TMEM74: variants seen among roughly 807,000 people sequenced by gnomAD.
TMEM74 encodes transmembrane protein 74.
TMEM74 carries 13 observed loss-of-function variants against 18.1 expected under a neutral mutation model. The ratio of observed to expected loss-of-function variants is 0.72; its 90% confidence interval spans 0.47 to 1.14. The LOEUF is 1.14. Among genes scored for constraint, TMEM74 ranks in the 50% most tolerant of loss-of-function variants. The pLI is 0.00. For synonymous variants in TMEM74, 159 were observed against 146.6 expected (o/e 1.08, Z -0.61); for missense variants, 372 against 375.9 (o/e 0.99, Z 0.09).
intron 1 of TMEM74, among the ~76,000 whole-genome samples, chr8:108,710,032 C>G (rs1216859138): frequency 6.6e-6 from 1 of 152,120 alleles, no homozygotes; most frequent in Non-Finnish European, 1.5e-5. Context: ...CATAATTGCT[C>G]TGGGTCTCAG....
chr8:108,721,426 C>A (rs763055691), intron 1 of TMEM74, among the ~76,000 whole-genome samples: 1 of 152,188 alleles, frequency 6.6e-6, no homozygotes, highest in Non-Finnish European at 1.5e-5. Context: ...TCTTTCTGAC[C>A]GTGGATTCTC....
At chr8:108,651,096 A>C (rs1812770461) in intron 2 of TMEM74, among the ~76,000 whole-genome samples, 1 of 152,124 alleles carries the variant, frequency 6.6e-6, no homozygotes, top group South Asian at 2.1e-4. Context: ...AATCTTCTCC[A>C]TAGCGCTTAC....
At chr8:108,612,136 G>C (rs1483101367) in intron 2 of TMEM74, among the ~76,000 whole-genome samples, 1 of 152,028 alleles carries the variant, frequency 6.6e-6, no homozygotes, top group African/African-American at 2.4e-5. Context: ...TGGGGATTAT[G>C]GGAGCTACAA....
At chr8:108,632,916 A>G (rs746355444) in intron 2 of TMEM74, among the ~76,000 whole-genome samples, 5 of 152,028 alleles carry the variant, frequency 3.3e-5, no homozygotes, top group Non-Finnish European at 5.9e-5. Flanking sequence ...TTGCATGAGT[A>G]AAATTTAAGA....
intron 1 of TMEM74, among the ~76,000 whole-genome samples, chr8:108,768,788 T>C (rs1814138491): frequency 6.6e-6 from 1 of 152,192 alleles, no homozygotes; most frequent in Non-Finnish European, 1.5e-5. Context: ...CATGGAATTC[T>C]AGAACAACCA....
chr8:108,683,532 T>C (rs573538934), intron 1 of TMEM74, among the ~76,000 whole-genome samples: 106 of 152,082 alleles, frequency 7.0e-4, no homozygotes, highest in African/African-American at 2.4e-3. Context: ...TATACAATTA[T>C]GTTATTACAA....
At chr8:108,649,413 G>A (rs1355209707) in intron 2 of TMEM74, among the ~76,000 whole-genome samples, 1 of 152,138 alleles carries the variant, frequency 6.6e-6, no homozygotes, top group East Asian at 1.9e-4. Context: ...ACAGTAATAT[G>A]AGAAGTAACA....
chr8:108,691,066 C>T (rs1391201), intron 1 of TMEM74, among the ~76,000 whole-genome samples: 70,725 of 151,960 alleles, frequency 0.47, 16,956 homozygotes, highest in African/African-American at 0.58. Context: ...TACTGCTTTA[C>T]AAAGGACATG....
chr8:108,738,657 T>C (rs1813770954), intron 1 of TMEM74, among the ~76,000 whole-genome samples: 2 of 152,286 alleles, frequency 1.3e-5, no homozygotes, highest in South Asian at 4.1e-4. Context: ...TCCTGGCCCA[T>C]TGATGGAGCT....
chr8:108,669,428 C>A (rs1347860675), intron 1 of TMEM74, among the ~76,000 whole-genome samples: 1 of 152,102 alleles, frequency 6.6e-6, no homozygotes, highest in Non-Finnish European at 1.5e-5. Flanking sequence ...AAGCTTTCAC[C>A]TTCTATTCTG....
intron 2 of TMEM74, among the ~76,000 whole-genome samples, chr8:108,646,867 A>G (rs73702121): frequency 0.018 from 2,782 of 152,298 alleles, 86 homozygotes; most frequent in African/African-American, 0.063. Context: ...AGTATGTTCT[A>G]TAGAACATTA....
rs557694147 is a variant in TMEM74 at position 108,784,259 on chromosome 8, G to C, written c.840C>G (p.Phe280Leu). ...TTTCATTCGTGCTGGTTTTCATCCT[G>C]AAGTTGAAAGAACCATAGAGTTTTG... ...ESAKLYGSFNFRMKTSTNENT... is the reference protein window; with the variant it reads ...ESAKLYGSFNLRMKTSTNENT... The change falls in exon 2 of 2, where the codon TTC becomes TTG. Residue 280 changes from phenylalanine to leucine, a missense_variant. Physicochemically the swap from Phe to Leu is conservative, Grantham distance 22 (BLOSUM62 0). Coordinates refer to ENST00000297459, the MANE Select transcript of TMEM74 (RefSeq NM_153015.3). The C allele has an allele frequency of 5.1e-5, 83 of 1,614,128 alleles. 2 individuals are homozygous for C. In the South Asian group the frequency reaches 9.0e-4, roughly 18 times the overall value.
intron 1 of TMEM74, among the ~76,000 whole-genome samples, chr8:108,756,764 GGAGGGGAGGGGAGGGCA>G (rs1813979363): frequency 9.3e-6 from 1 of 107,174 alleles, no homozygotes; most frequent in Admixed American, 1.1e-4. Context: ...AGGGAGGGAG[GGAGGGGAGGGGAGGGCA>G]GGAGGGGAGG....
intron 1 of TMEM74, among the ~76,000 whole-genome samples, chr8:108,683,970 T>C (rs768251437): frequency 1.3e-5 from 2 of 152,154 alleles, no homozygotes; most frequent in African/African-American, 4.8e-5. Flanking sequence ...CCATTGTGTA[T>C]ATATACACCA....
At chr8:108,647,416 A>G (rs1812730780) in intron 2 of TMEM74, among the ~76,000 whole-genome samples, 2 of 152,128 alleles carry the variant, frequency 1.3e-5, no homozygotes, top group African/African-American at 4.8e-5. Flanking sequence ...CCAAAATCAC[A>G]ATTTAGCTTT....
intron 1 of TMEM74, among the ~76,000 whole-genome samples, chr8:108,785,686 G>T (rs1477202346): frequency 6.6e-6 from 1 of 152,156 alleles, no homozygotes; most frequent in Non-Finnish European, 1.5e-5. Flanking sequence ...TATCAGCTGG[G>T]CAGGAACTCA....
intron 1 of TMEM74, among the ~76,000 whole-genome samples, chr8:108,666,184 A>T (rs182895092): frequency 5.4e-4 from 82 of 152,276 alleles, no homozygotes; most frequent in African/African-American, 1.8e-3. Context: ...GAGCCTGGTG[A>T]TATAGTCTTC....
At chr8:108,622,071 C>G (rs770772600) in intron 2 of TMEM74, among the ~76,000 whole-genome samples, 6 of 152,018 alleles carry the variant, frequency 3.9e-5, no homozygotes, top group African/African-American at 1.4e-4. Context: ...TATCTTAACA[C>G]GTAATCTACT....
chr8:108,739,310 G>C lies in TMEM74; in HGVS notation n.119+48166C>G, dbSNP rs141495676. 1.3e-3 allele frequency among the ~76,000 whole-genome samples: 203 copies of C among 152,274 alleles called. 1 individual carries two copies. The highest frequency in any genetic ancestry group is 4.7e-3 in the African/African-American group (195 of 41,554). ...ACTGAAGGAAGAAAGTGGGGGCACTGGGCAATACAGTCTCATGGTGCATTC... is the reference window on the plus strand; with the variant it reads ...ACTGAAGGAAGAAAGTGGGGGCACTCGGCAATACAGTCTCATGGTGCATTC... On this transcript the variant is annotated intron_variant and non_coding_transcript_variant, in intron 1 of 3. Coordinates refer to the TMEM74 transcript ENST00000518838.
Sources: gnomAD v4.1 joint callset for allele counts (sites outside exome capture counted in the v4.1 genomes callset) on GRCh38, gnomAD v4.1.1 for gene constraint, MANE v1.5 for transcripts, NCBI Gene and HGNC (gene_info 2026-07-23, HGNC 2026-07-21) for gene names.